The following ATP1A1 variants were observed in gnomAD, a reference collection of about 807,000 sequenced individuals.
ATP1A1 encodes sodium/potassium-transporting ATPase subunit alpha-1.
A neutral mutation model predicts 114.8 loss-of-function variants in ATP1A1; 14 were observed. The observed-to-expected ratio is 0.12, with a 90% CI of 0.08 to 0.19. The LOEUF (loss-of-function observed/expected upper bound fraction) is 0.19, where lower values mean the gene tolerates loss of function less well. Among genes scored for constraint, ATP1A1 ranks in the 10% least tolerant of loss-of-function variants. The pLI is 1.00. For synonymous variants in ATP1A1, 471 were observed against 466.3 expected (o/e 1.01, Z -0.13); for missense variants, 524 against 1,290.7 (o/e 0.41, Z 9.10).
chr1:116,374,510 G>C (rs950002188), intron 1 of ATP1A1, among the ~76,000 whole-genome samples: 1 of 152,190 alleles, frequency 6.6e-6, no homozygotes, highest in Non-Finnish European at 1.5e-5. Flanking sequence ...GAAACGAGGG[G>C]TCTTGGGGCT....
rs2101045282 is a variant in ATP1A1 at position 116,389,430 on chromosome 1, CTTT to C, written c.755-6_755-4del. On this transcript the variant is annotated splice_region_variant and splice_polypyrimidine_tract_variant and intron_variant, in intron 7 of 22. Transcript: ENST00000295598. This position sits in a 1 kb window ranked among gnomAD's most constrained non-coding sequence, Gnocchi z 6.9. ...ATTAGGTACAGTTCTCCCTCCCCTT[CTTT>C]TTAAGGCACCGCACGTGGTATTGTT... 6.2e-7 allele frequency: 1 copy of C among 1,613,354 alleles called. No homozygotes were observed.
At chr1:116,400,481 T>C (rs942908482) in intron 18 of ATP1A1, among the ~76,000 whole-genome samples, 3 of 152,166 alleles carry the variant, frequency 2.0e-5, no homozygotes, top group Non-Finnish European at 4.4e-5. Flanking sequence ...TGTAGGAATT[T>C]TGAAAGATGG....
intron 1 of ATP1A1, among the ~76,000 whole-genome samples, chr1:116,376,508 G>C (rs184677560): frequency 1.3e-5 from 2 of 152,322 alleles, no homozygotes; most frequent in Admixed American, 6.5e-5. Flanking sequence ...CTAGAGCTGG[G>C]GGGTGGAGAG....
At position 116,389,409 on chromosome 1, in the gene ATP1A1, G is replaced by T; in HGVS notation, c.755-30G>T. The T allele has an allele frequency of 4.3e-6, 7 of 1,611,376 alleles. No homozygotes were observed. In the South Asian group the frequency reaches 6.6e-5, roughly 15 times the overall value. On this transcript the variant is annotated intron_variant, in intron 7 of 22. Transcript: ENST00000295598. The surrounding 1 kb of genome is among the most constrained non-coding windows in gnomAD (Gnocchi z 6.9). ...GCTTCCTTCAGGTTAGATACAATTA[G>T]GTACAGTTCTCCCTCCCCTTCTTTT...
rs566531420 is a variant in ATP1A1 at position 116,381,635 on chromosome 1, T to C, written c.13-2379T>C. 1.3e-5 allele frequency among the ~76,000 whole-genome samples: 2 copies of C among 152,328 alleles called. No homozygotes were observed. Among genetic ancestry groups the C allele is most frequent in the South Asian group, 4.1e-4 (2 of 4,826 alleles). On this transcript the variant is annotated intron_variant, in intron 1 of 22. Transcript: ENST00000295598. The surrounding 1 kb of genome is among the most constrained non-coding windows in gnomAD (Gnocchi z 5.1). ...GGGAATCTAAATTCCCAACTAACTT[T>C]AGCACTGATAGTGGTGAAGCTATGG...
chr1:116,378,253 C>A lies in ATP1A1; in HGVS notation c.12+4730C>A, dbSNP rs1005315249. 5.3e-5 allele frequency among the ~76,000 whole-genome samples: 8 copies of A among 152,256 alleles called. No individual in the cohort carries two copies. The East Asian group carries it at 1.3e-3, about 26-fold the overall frequency. ...AAAGGGATTTTTGATCAATAGACCT[C>A]ATTCCTTTGTTCCTTTGTGACTTTA... is the stretch of plus-strand genomic sequence containing the variant. On this transcript the variant is annotated intron_variant, in intron 1 of 22. Coordinates refer to ENST00000295598, the MANE Select transcript of ATP1A1 (RefSeq NM_000701.8).
In ATP1A1 at chr1:116,388,396, C is replaced by G; in HGVS notation, c.501+152C>G. 1.0e-6 allele frequency: 1 copy of G among 952,580 alleles called. No homozygotes were observed. The highest frequency in any genetic ancestry group is 2.6e-5 in the East Asian group (1 of 38,082). 59.0% of individuals were successfully genotyped at this position (952,580 alleles called of 1,614,324 possible). A position where few individuals can be genotyped will look rare whatever the true frequency, so the allele number is the denominator to read the frequency against. On this transcript the variant is annotated intron_variant, in intron 5 of 22. Coordinates refer to ENST00000295598, the MANE Select transcript of ATP1A1 (RefSeq NM_000701.8). The surrounding 1 kb of genome is among the most constrained non-coding windows in gnomAD (Gnocchi z 5.6). ...CCCCACCCAAAACCAACCTATTTTCCTTCTATCCAAAAAGTGGTAGCCTTT... is the reference window on the plus strand; with the variant it reads ...CCCCACCCAAAACCAACCTATTTTCGTTCTATCCAAAAAGTGGTAGCCTTT...
intron 1 of ATP1A1, among the ~76,000 whole-genome samples, chr1:116,378,969 G>GA: frequency 6.6e-6 from 1 of 152,326 alleles, no homozygotes; most frequent in African/African-American, 2.4e-5. Flanking sequence ...TTCCATTGAA[G>GA]AAACTGAAGT....
At chr1:116,374,047 C>T (rs1485393207) in intron 1 of ATP1A1, 21 of 1,405,298 alleles carry the variant, frequency 1.5e-5, no homozygotes, top group Non-Finnish European at 1.9e-5. Context: ...CCGTTCCCGC[C>T]GCGGCCCCGG....
chr1:116,395,269 G>A lies in ATP1A1; in HGVS notation c.1820G>A (p.Arg607Gln). 6.2e-7 allele frequency: 1 copy of A among 1,613,996 alleles called. No homozygotes were observed. The highest frequency in any genetic ancestry group is 8.5e-7 in the Non-Finnish European group (1 of 1,179,952). The change falls in exon 13 of 23, where the codon CGA becomes CAA. Residue 607 changes from arginine (R) to glutamine (Q), a missense_variant. Physicochemically the swap from Arg to Gln is conservative, Grantham distance 43. Transcript: ENST00000295598. This position sits in a 1 kb window ranked among gnomAD's most constrained non-coding sequence, Gnocchi z 6.4. ...GTTCCTGATGCCGTGGGCAAATGTC[G>A]AAGTGCTGGAATTAAGGTAGTGCCC... is the stretch of plus-strand genomic sequence containing the variant. ...AAVPDAVGKC[R>Q]SAGIKVIMVT...
Position 116,392,865 on chromosome 1 carries a change from A to G in ATP1A1, c.1344A>G (p.Ala448=), listed in dbSNP as rs147413662. The G allele has an allele frequency of 6.2e-7, 1 of 1,612,038 alleles. No individual in the cohort carries two copies. Among genetic ancestry groups the G allele is most frequent in the Admixed American group, 1.7e-5 (1 of 59,520 alleles). Residue 448 remains alanine (A), a synonymous_variant, in exon 11 of 23, where the codon GCA becomes GCG. Coordinates refer to ENST00000295598, the MANE Select transcript of ATP1A1 (RefSeq NM_000701.8). Reference sequence around the variant, plus strand: ...GTCTCTGTTCACAGCGGGCAGTTGCAGGAGATGCCTCTGAGTCAGCACTCT... The same window carrying G: ...GTCTCTGTTCACAGCGGGCAGTTGCGGGAGATGCCTCTGAGTCAGCACTCT... ...ENLPILKRAV[A]GDASESALLK...
At chr1:116,390,489 A>C in intron 9 of ATP1A1, 78 bp downstream of exon 9, 1 of 1,289,100 alleles carries the variant, frequency 7.8e-7, no homozygotes, top group Non-Finnish European at 1.0e-6. Flanking sequence ...ATTGCATGAA[A>C]TTTCTTTTTT....
Position 116,401,453 on chromosome 1 carries a change from C to G in ATP1A1, c.2850-101C>G. The G allele has an allele frequency of 7.0e-7, 1 of 1,423,084 alleles. No individual in the cohort carries two copies. Among genetic ancestry groups the G allele is most frequent in the Non-Finnish European group, 9.8e-7 (1 of 1,024,306 alleles). The allele number at this position is 1,423,084 out of a possible 1,614,324, so 88.2% of individuals were successfully genotyped here. A position where few individuals can be genotyped will look rare whatever the true frequency, so the allele number is the denominator to read the frequency against. On this transcript the variant is annotated intron_variant, in intron 20 of 22. Transcript: ENST00000295598. The surrounding 1 kb of genome is among the most constrained non-coding windows in gnomAD (Gnocchi z 4.7). ...CTGACCTCCAAGTTTTCAAGTACAG[C>G]TAATACATAAAGATGTTGATCTGCC... is the stretch of plus-strand genomic sequence containing the variant.
chr1:116,403,486 A>G (rs1433931731), intron 21 of ATP1A1, among the ~76,000 whole-genome samples: 2 of 152,076 alleles, frequency 1.3e-5, no homozygotes, highest in Non-Finnish European at 2.9e-5. Context: ...TATCTTCAAA[A>G]TGCTGGGATA....
At position 116,399,374 on chromosome 1, in the gene ATP1A1, T is replaced by G. The variant is rs547257447; in HGVS notation, c.2449-46T>G. The G allele has an allele frequency of 1.9e-6, 3 of 1,595,808 alleles. No individual in the cohort carries two copies. Among genetic ancestry groups the G allele is most frequent in the Non-Finnish European group, 2.6e-6 (3 of 1,172,456 alleles). On this transcript the variant is annotated intron_variant, in intron 17 of 22. Transcript: ENST00000295598. This position sits in a 1 kb window ranked among gnomAD's most constrained non-coding sequence, Gnocchi z 5.0. Reference sequence around the variant, plus strand: ...ATAACAAAAGGTTCACAATATTAGCTTCCTTATTTTTAGTAACTAAATTCC... The same window carrying G: ...ATAACAAAAGGTTCACAATATTAGCGTCCTTATTTTTAGTAACTAAATTCC...
At chr1:116,373,878 C>T (rs1651167874) in intron 1 of ATP1A1, 3 of 1,269,582 alleles carry the variant, frequency 2.4e-6, no homozygotes, top group Non-Finnish European at 3.0e-6. Context: ...GCAGCGGGGG[C>T]GGCCCCGGGA....
In ATP1A1 at chr1:116,389,251, G is replaced by C. The variant is rs566845717; in HGVS notation, c.755-188G>C. ...ACACCAGTCTGGCATGGGTGTTGGA[G>C]CTGCTGTCCTGCTACTGGAGAGAAG... On this transcript the variant is annotated intron_variant, in intron 7 of 22. Transcript: ENST00000295598. The surrounding 1 kb of genome is among the most constrained non-coding windows in gnomAD (Gnocchi z 6.9). Among the ~76,000 whole-genome samples, 1 of 152,266 alleles carries C rather than the reference G, an allele frequency of 6.6e-6. No individual in the cohort carries two copies. Among genetic ancestry groups the C allele is most frequent in the East Asian group, 1.9e-4 (1 of 5,182 alleles).
Position 116,396,729 on chromosome 1 carries a change from C to T in ATP1A1, c.1968C>T (p.Asn656=). 1 of 1,577,486 alleles carries T rather than the reference C, an allele frequency of 6.3e-7. No individual in the cohort carries two copies. Among genetic ancestry groups the T allele is most frequent in the Non-Finnish European group, 8.6e-7 (1 of 1,158,536 alleles). ...TCAACATCCCAGTCAGCCAGGTGAA[C>T]CCCAGGTAAGGCAGGAAGCTCAAAT... ...ARLNIPVSQV[N]PRDAKACVVH... Residue 656 remains asparagine, a synonymous_variant, in exon 14 of 23, where the codon AAC becomes AAT. Coordinates refer to ENST00000295598, the MANE Select transcript of ATP1A1 (RefSeq NM_000701.8).
chr1:116,391,531 A>G (rs1157527916), intron 10 of ATP1A1, among the ~76,000 whole-genome samples: 1 of 152,180 alleles, frequency 6.6e-6, no homozygotes, highest in African/African-American at 2.4e-5. Flanking sequence ...CCTGTAGGAG[A>G]AGAAAGCTAT....
Sources: gnomAD v4.1 joint callset for allele counts (sites outside exome capture counted in the v4.1 genomes callset) on GRCh38, gnomAD v4.1.1 for gene constraint, Gnocchi (gnomAD v3.1) non-coding constraint, MANE v1.5 for transcripts, NCBI Gene and HGNC (gene_info 2026-07-23, HGNC 2026-07-21) for gene names.